FOXP1: variants seen among roughly 807,000 people sequenced by gnomAD.
FOXP1 encodes forkhead box protein P1.
A neutral mutation model predicts 98.2 loss-of-function variants in FOXP1; 15 were observed. The observed-to-expected ratio is 0.15, with a 90% CI of 0.10 to 0.24. The LOEUF is 0.24. Ranked by LOEUF, FOXP1 falls within the 10% of genes least tolerant of loss-of-function variation. The pLI, the probability that FOXP1 is intolerant of heterozygous loss-of-function variation, is 1.00. For synonymous variants in FOXP1, 371 were observed against 314.5 expected (o/e 1.18, Z -1.90); for missense variants, 633 against 848.5 (o/e 0.75, Z 3.15).
chr3:71,025,262 T>C (rs2045958063), intron 11 of FOXP1, among the ~76,000 whole-genome samples: 1 of 152,094 alleles, frequency 6.6e-6, no homozygotes, highest in Admixed American at 6.6e-5. Context: ...TCCTTTCCCA[T>C]TGCTATTCCT....
intron 11 of FOXP1, among the ~76,000 whole-genome samples, chr3:71,038,630 T>C (rs1213174529): frequency 6.6e-6 from 1 of 152,138 alleles, no homozygotes; most frequent in Non-Finnish European, 1.5e-5. Flanking sequence ...GAAGTATTTA[T>C]ATGTATACGA....
intron 17 of FOXP1, among the ~76,000 whole-genome samples, chr3:70,974,560 C>T (rs1003739121): frequency 2.6e-5 from 4 of 152,078 alleles, no homozygotes; most frequent in African/African-American, 4.8e-5. Context: ...CCTGAAGTGC[C>T]GGGATCACAG....
rs368343896 is a variant in FOXP1, at chr3:71,270,295, C to T, written c.-12+29525G>A. ...CCATGGAATTAAAAGCTTACTAGTGCTATTAGCATTTCAGGGTGTTTGAAC... is the reference window on the plus strand; with the variant it reads ...CCATGGAATTAAAAGCTTACTAGTGTTATTAGCATTTCAGGGTGTTTGAAC... On this transcript the variant is annotated intron_variant, in intron 5 of 20. Coordinates refer to ENST00000649528, the MANE Select transcript of FOXP1 (RefSeq NM_001349338.3). Among the ~76,000 whole-genome samples the T allele has an allele frequency of 2.6e-5, 4 of 152,172 alleles. No homozygotes were observed. The East Asian group carries it at 7.7e-4, about 29-fold the overall frequency.
intron 3 of FOXP1, among the ~76,000 whole-genome samples, 155 bp downstream of exon 3, chr3:71,493,271 C>G (rs1437092884): frequency 1.3e-5 from 2 of 152,164 alleles, no homozygotes; most frequent in Admixed American, 6.5e-5. Flanking sequence ...CAGATCACCG[C>G]AGGAATTATC....
intron 5 of FOXP1, among the ~76,000 whole-genome samples, chr3:71,245,971 T>C (rs778384100): frequency 3.6e-4 from 53 of 148,606 alleles, no homozygotes; most frequent in Non-Finnish European, 6.2e-4. Flanking sequence ...GGCTGCTTTC[T>C]TGCCATGATC....
At chr3:71,487,844 C>A (rs1321021572) in intron 3 of FOXP1, among the ~76,000 whole-genome samples, 2 of 152,096 alleles carry the variant, frequency 1.3e-5, no homozygotes, top group East Asian at 3.8e-4. Context: ...ATGCAGATTA[C>A]CTTTATTACA....
chr3:70,996,474 G>T (rs909023625), intron 13 of FOXP1, among the ~76,000 whole-genome samples: 2 of 152,142 alleles, frequency 1.3e-5, no homozygotes, highest in African/African-American at 2.4e-5. Context: ...CTCTGTGAAG[G>T]GGAACATCTC....
intron 4 of FOXP1, chr3:71,305,896 C>CA (rs2074239958): frequency 6.6e-6 from 1 of 152,648 alleles, no homozygotes; most frequent in East Asian, 1.9e-4. Flanking sequence ...GGTGAGGAGG[C>CA]AAAGCTTTGG....
At chr3:71,038,199 A>G (rs995863878) in intron 11 of FOXP1, among the ~76,000 whole-genome samples, 1 of 152,180 alleles carries the variant, frequency 6.6e-6, no homozygotes, top group African/African-American at 2.4e-5. Flanking sequence ...TAGCCATCTC[A>G]CTACTTTGAA....
At chr3:71,370,982 C>T (rs985900468) in intron 3 of FOXP1, among the ~76,000 whole-genome samples, 2 of 151,630 alleles carry the variant, frequency 1.3e-5, no homozygotes, top group Non-Finnish European at 2.9e-5. Context: ...TTTTAGTAGA[C>T]GCTAGGCTGG....
intron 13 of FOXP1, among the ~76,000 whole-genome samples, chr3:70,990,481 A>T (rs968009132): frequency 1.4e-4 from 21 of 151,850 alleles, no homozygotes; most frequent in African/African-American, 4.8e-4. Flanking sequence ...ATCAATTTTC[A>T]CGGCATCCTT....
chr3:71,334,683 T>A (rs2076562585), intron 4 of FOXP1: 2 of 152,198 alleles, frequency 1.3e-5, no homozygotes, highest in African/African-American at 4.8e-5. Flanking sequence ...GAGGCAACAT[T>A]TTTAATTCAG....
chr3:71,477,908 A>C, intron 3 of FOXP1, among the ~76,000 whole-genome samples: 1 of 152,220 alleles, frequency 6.6e-6, no homozygotes. Flanking sequence ...AAGACAAGAA[A>C]CATTTGGCTG....
At chr3:71,028,682 A>G (rs568700373) in intron 11 of FOXP1, among the ~76,000 whole-genome samples, 10 of 152,366 alleles carry the variant, frequency 6.6e-5, no homozygotes, top group African/African-American at 2.4e-4. Flanking sequence ...CAAGCACATA[A>G]TATTTATCAT....
chr3:70,996,422 A>C (rs1217953357), intron 13 of FOXP1, among the ~76,000 whole-genome samples: 3 of 152,208 alleles, frequency 2.0e-5, no homozygotes, highest in African/African-American at 7.2e-5. Context: ...TACAGCCTTG[A>C]AAGCTTTTCA....
intron 11 of FOXP1, 32 bp from the exon 12 acceptor site, chr3:71,015,685 G>T: frequency 1.4e-6 from 2 of 1,472,896 alleles, no homozygotes; most frequent in South Asian, 1.1e-5. Flanking sequence ...ACCAGAGAAT[G>T]AATTTGCTGC....
intron 2 of FOXP1, among the ~76,000 whole-genome samples, chr3:71,522,350 C>T (rs1052304479): frequency 2.0e-5 from 3 of 152,174 alleles, no homozygotes; most frequent in African/African-American, 7.2e-5. Context: ...GGAAATACCA[C>T]CAGATTCCTT....
At chr3:71,232,981 T>C (rs1475895668) in intron 5 of FOXP1, among the ~76,000 whole-genome samples, 1 of 147,816 alleles carries the variant, frequency 6.8e-6, no homozygotes, top group Non-Finnish European at 1.5e-5. Context: ...CTACTACTAC[T>C]ACTAATAATA....
At chr3:71,240,936 C>T (rs920602673) in intron 5 of FOXP1, among the ~76,000 whole-genome samples, 7 of 151,812 alleles carry the variant, frequency 4.6e-5, no homozygotes, top group South Asian at 4.2e-4. Context: ...CTTCGCTGGG[C>T]GCGGTTTCTC....
Sources: gnomAD v4.1 joint callset for allele counts (sites outside exome capture counted in the v4.1 genomes callset) on GRCh38, gnomAD v4.1.1 for gene constraint, MANE v1.5 for transcripts, NCBI Gene and HGNC (gene_info 2026-07-23, HGNC 2026-07-21) for gene names.